The following BTBD8 variants were observed in gnomAD, a reference collection of about 807,000 sequenced individuals.
The protein encoded by BTBD8 is BTB domain containing 8, also known as BTB/POZ domain-containing protein 8.
In BTBD8, 110 loss-of-function variants were observed where a neutral mutation model predicts 162.9. The observed-to-expected ratio is 0.68, with a 90% CI of 0.58 to 0.79. The LOEUF is 0.79. Among genes scored for constraint, BTBD8 ranks in the 30% least tolerant of loss-of-function variants. The pLI, the probability that BTBD8 is intolerant of heterozygous loss-of-function variation, is 0.00. For synonymous variants in BTBD8, 667 were observed against 716.1 expected (o/e 0.93, Z 1.10); for missense variants, 1,905 against 2,085.4 (o/e 0.91, Z 1.68).
intron 9 of BTBD8, among the ~76,000 whole-genome samples, chr1:92,155,168 T>C (rs189117641): frequency 9.4e-4 from 143 of 152,306 alleles, no homozygotes; most frequent in Non-Finnish European, 1.7e-3. Context: ...AGCTTTGTTA[T>C]ATATTTTGAA....
intron 2 of BTBD8, among the ~76,000 whole-genome samples, chr1:92,089,332 T>A (rs1483426231): frequency 6.6e-6 from 1 of 152,196 alleles, no homozygotes; most frequent in Non-Finnish European, 1.5e-5. Flanking sequence ...CATTGCCAGA[T>A]GTCCTCTGGA....
At position 92,182,503 on chromosome 1, in the gene BTBD8, A is replaced by G; in HGVS notation, c.4820A>G (p.Asp1607Gly). 1 of 1,549,976 alleles carries G rather than the reference A, an allele frequency of 6.5e-7. No homozygotes were observed. The highest frequency in any genetic ancestry group is 8.7e-7 in the Non-Finnish European group (1 of 1,146,394). ...AAGAACAGCTCTACAAAATCTCTAG[A>G]CTCCTTTCGGAGTCAAGTTCTGCCT... ...IPKNSSTKSL[D>G]SFRSQVLPQE... The change falls in exon 17 of 18, where the codon GAC becomes GGC. Residue 1607 changes from aspartate to glycine, a missense_variant. This residue lies in a region of BTBD8 where 517 missense variants were observed against 606.6 expected (regional missense o/e 0.85). Transcript: ENST00000636805.
chr1:92,177,992 T>C, intron 15 of BTBD8, 94 bp downstream of exon 15: 1 of 628,260 alleles, frequency 1.6e-6, no homozygotes, highest in South Asian at 2.6e-5. Context: ...AAAATATCTT[T>C]TATTTTTTGT....
Position 92,183,957 on chromosome 1 carries a change from T to C in BTBD8, c.5006T>C (p.Ile1669Thr). 6.4e-7 allele frequency: 1 copy of C among 1,551,542 alleles called. No individual in the cohort carries two copies. Among genetic ancestry groups the C allele is most frequent in the African/African-American group, 1.4e-5 (1 of 73,122 alleles). The change falls in exon 18 of 18, where the codon ATA becomes ACA. Residue 1669 changes from isoleucine to threonine, a missense_variant. Around this residue, in one of 3 missense-constraint regions of BTBD8, gnomAD observed 517 missense variants for 606.6 expected, o/e 0.85. Transcript: ENST00000636805. ...TCTCCAATATATGAGATGGATGTAA[T>C]AGAAGCATTTGAGCAGAAAGTGGAA... ...TLSPIYEMDV[I>T]EAFEQKVESE... is the part of the protein sequence containing the mutation.
At chr1:92,091,459 G>GTGTGTA (rs965775927) in intron 2 of BTBD8, among the ~76,000 whole-genome samples, 3 of 152,050 alleles carry the variant, frequency 2.0e-5, no homozygotes, top group Non-Finnish European at 4.4e-5. Flanking sequence ...TCGTGTGTGT[G>GTGTGTA]TGTGTATGTG....
chr1:92,139,587 A>C (rs913417259), intron 6 of BTBD8, 157 bp downstream of exon 6: 1 of 1,274,284 alleles, frequency 7.8e-7, no homozygotes, highest in Non-Finnish European at 9.9e-7. Flanking sequence ...ACAATAAGCA[A>C]ATCATCTTAT....
At chr1:92,101,953 C>G (rs1258697878) in intron 2 of BTBD8, among the ~76,000 whole-genome samples, 5 of 152,184 alleles carry the variant, frequency 3.3e-5, no homozygotes. Flanking sequence ...CTGCCTTGAC[C>G]TCCCAAAATG....
chr1:92,182,520 G>C lies in BTBD8; in HGVS notation c.4837G>C (p.Val1613Leu), dbSNP rs925135092. Reference sequence around the variant, plus strand: ...ATCTCTAGACTCCTTTCGGAGTCAAGTTCTGCCTCAGGAAGGTCCAGTGAA... The same window carrying C: ...ATCTCTAGACTCCTTTCGGAGTCAACTTCTGCCTCAGGAAGGTCCAGTGAA... ...TKSLDSFRSQ[V>L]LPQEGPVKES... Residue 1613 changes from valine to leucine, a missense_variant, in exon 17 of 18, where the codon GTT (valine) becomes CTT (leucine). Val to Leu is a conservative substitution (Grantham distance 32). Coordinates refer to ENST00000636805, the MANE Select transcript of BTBD8 (RefSeq NM_001376131.1). The C allele has an allele frequency of 1.1e-5, 17 of 1,546,926 alleles. No individual in the cohort carries two copies. The highest frequency in any genetic ancestry group is 1.5e-5 in the Non-Finnish European group (17 of 1,145,778).
intron 4 of BTBD8, among the ~76,000 whole-genome samples, chr1:92,113,814 C>T (rs1204055396): frequency 6.6e-6 from 1 of 151,848 alleles, no homozygotes; most frequent in African/African-American, 2.4e-5. Context: ...AGATTGAGAC[C>T]ATCCTGGCTA....
At chr1:92,100,824 T>C (rs1648571389) in intron 2 of BTBD8, among the ~76,000 whole-genome samples, 1 of 152,168 alleles carries the variant, frequency 6.6e-6, no homozygotes, top group Admixed American at 6.5e-5. Flanking sequence ...TTGGGCAGGC[T>C]GGTCTCGAAC....
chr1:92,149,181 A>G (rs1255671703), intron 9 of BTBD8, among the ~76,000 whole-genome samples: 1 of 152,176 alleles, frequency 6.6e-6, no homozygotes, highest in African/African-American at 2.4e-5. Context: ...CCTTCTTAAT[A>G]TGTTTGTCTA....
chr1:92,111,159 T>G (rs1320793984), intron 4 of BTBD8, among the ~76,000 whole-genome samples: 1 of 151,796 alleles, frequency 6.6e-6, no homozygotes, highest in South Asian at 2.1e-4. Context: ...GCTTGGCTCA[T>G]TTTTGTGCTT....
chr1:92,178,282 G>A, intron 15 of BTBD8, 30 bp from the exon 16 acceptor site: 1 of 1,531,304 alleles, frequency 6.5e-7, no homozygotes, highest in Non-Finnish European at 8.8e-7. Context: ...GAATCTAAGT[G>A]TAATACTGAA....
chr1:92,092,656 T>C (rs1053438267), intron 2 of BTBD8, among the ~76,000 whole-genome samples: 2 of 152,254 alleles, frequency 1.3e-5, no homozygotes, highest in African/African-American at 4.8e-5. Context: ...GGTTTATTTC[T>C]GGTTTCTCAG....
chr1:92,183,736 G>C, intron 17 of BTBD8, 128 bp from the exon 18 acceptor site: 1 of 551,300 alleles, frequency 1.8e-6, no homozygotes, highest in Non-Finnish European at 2.9e-6. Flanking sequence ...TTGTATAGAA[G>C]TTATTTTTCC....
In BTBD8 at chr1:92,164,057, A is replaced by G. The variant is rs188548248; in HGVS notation, c.1123-2901A>G. Among the ~76,000 whole-genome samples, 475 of 152,306 alleles carry G rather than the reference A, an allele frequency of 3.1e-3. 2 individuals carry two copies. The highest frequency in any genetic ancestry group is 0.011 in the African/African-American group (454 of 41,558). ...GAACAAATTGAGCTTATTGTCTAAA[A>G]CTCTTAGTAATTGTACAGTTACTCA... is the stretch of plus-strand genomic sequence containing the variant. On this transcript the variant is annotated intron_variant, in intron 9 of 17. Coordinates refer to ENST00000636805, the MANE Select transcript of BTBD8 (RefSeq NM_001376131.1).
Position 92,183,906 on chromosome 1 carries a change from A to G in BTBD8, c.4955A>G (p.Tyr1652Cys). The part of the protein sequence containing the change: ...DCDTLAQTRM[Y>C]DHRPSKTLSP... ...GACACACTGGCACAAACCCGCATGT[A>G]TGACCATCGGCCTTCAAAAACCCTG... Residue 1652 changes from tyrosine to cysteine, a missense_variant, in exon 18 of 18, where the codon TAT (tyrosine) becomes TGT (cysteine). Tyr to Cys is a radical substitution (Grantham distance 194). Transcript: ENST00000636805. 2 of 1,551,262 alleles carry G rather than the reference A, an allele frequency of 1.3e-6. No homozygotes were observed. Among genetic ancestry groups the G allele is most frequent in the South Asian group, 2.4e-5 (2 of 84,008 alleles).
At position 92,183,125 on chromosome 1, in the gene BTBD8, A is replaced by G. The variant is rs1001319676; in HGVS notation, c.4912+530A>G. Among the ~76,000 whole-genome samples the G allele has an allele frequency of 3.9e-5, 6 of 152,274 alleles. No individual in the cohort carries two copies. The East Asian group carries it at 1.2e-3, about 29-fold the overall frequency. On this transcript the variant is annotated intron_variant, in intron 17 of 17. Transcript: ENST00000636805. The stretch of plus-strand genomic sequence containing the variant: ...TTCTAAAGTTTTCAAATAAAAAGAT[A>G]AATTTCCTAAGAGATTATATTTAGA...
chr1:92,159,765 G>A lies in BTBD8; in HGVS notation c.1123-7193G>A, dbSNP rs114889069. ...CTGCAAGGTTTCTGCTGGAAAATCT[G>A]CCTTTAGTCTTATAAACATTCTCTT... On this transcript the variant is annotated intron_variant, in intron 9 of 17. Coordinates refer to ENST00000636805, the MANE Select transcript of BTBD8 (RefSeq NM_001376131.1). 1.8e-3 allele frequency among the ~76,000 whole-genome samples: 268 copies of A among 152,234 alleles called. 3 individuals are homozygous for A. The highest frequency in any genetic ancestry group is 5.9e-3 in the African/African-American group (245 of 41,536).
Sources: gnomAD v4.1 joint callset for allele counts (sites outside exome capture counted in the v4.1 genomes callset) on GRCh38, gnomAD v4.1.1 for gene constraint, gnomAD v4.1.1 regional missense constraint, MANE v1.5 for transcripts, NCBI Gene and HGNC (gene_info 2026-07-23, HGNC 2026-07-21) for gene names.